GATAD2B: variants seen among roughly 807,000 people sequenced by gnomAD.
GATAD2B encodes the protein transcriptional repressor p66-beta.
GATAD2B carries 8 observed loss-of-function variants against 64.3 expected under a neutral mutation model. The observed-to-expected ratio is 0.12, with a 90% CI of 0.07 to 0.22. GATAD2B has a LOEUF of 0.22. GATAD2B is among the 10% of genes least tolerant of loss of function. The pLI is 1.00. For missense variants in GATAD2B, 453 were observed against 752.0 expected (o/e 0.60, Z 4.65); for synonymous variants, 281 against 271.3 (o/e 1.04, Z -0.35).
chr1:153,852,439 T>TGGTC (rs1675932467), intron 1 of GATAD2B: 2 of 763,508 alleles, frequency 2.6e-6, no homozygotes, highest in Non-Finnish European at 4.8e-6. Flanking sequence ...CCGTGGCATG[T>TGGTC]GGTCTGGAGC....
At chr1:153,873,598 C>T (rs2101932174) in intron 1 of GATAD2B, among the ~76,000 whole-genome samples, 1 of 152,334 alleles carries the variant, frequency 6.6e-6, no homozygotes, top group South Asian at 2.1e-4. Context: ...AGGCCCTCAG[C>T]AGATATGGCC....
At chr1:153,891,398 T>A (rs1677394070) in intron 1 of GATAD2B, among the ~76,000 whole-genome samples, 1 of 149,410 alleles carries the variant, frequency 6.7e-6, no homozygotes, top group African/African-American at 2.5e-5. Flanking sequence ...TGAAACCCCA[T>A]CCCTACTCAA....
chr1:153,810,152 T>G lies in GATAD2B; in HGVS notation c.*25A>C. ...AGGAAAGGGATAAAGGATTCAAGGA[T>G]GGGGCAGTACAAGTGGAACAGGCGT... On this transcript the variant is annotated 3_prime_UTR_variant, in exon 11 of 11. Coordinates refer to ENST00000368655, the MANE Select transcript of GATAD2B (RefSeq NM_020699.4). 6.3e-7 allele frequency: 1 copy of G among 1,594,284 alleles called. No homozygotes were observed. The highest frequency in any genetic ancestry group is 8.6e-7 in the Non-Finnish European group (1 of 1,169,476).
intron 1 of GATAD2B, among the ~76,000 whole-genome samples, chr1:153,910,932 A>T (rs1678093050): frequency 1.3e-5 from 2 of 152,208 alleles, no homozygotes; most frequent in Admixed American, 6.6e-5. Context: ...ATAAGTTTAC[A>T]GGGACATAAC....
chr1:153,920,392 T>C (rs1678394678), intron 1 of GATAD2B, among the ~76,000 whole-genome samples: 1 of 152,194 alleles, frequency 6.6e-6, no homozygotes. Context: ...GAAAGTACTT[T>C]AAGGTTGTGA....
intron 1 of GATAD2B, among the ~76,000 whole-genome samples, chr1:153,878,774 CTTTTTTTTTTT>C (rs71093297): frequency 1.8e-5 from 2 of 108,128 alleles, no homozygotes; most frequent in African/African-American, 7.1e-5. Flanking sequence ...TACTTTATTC[CTTTTTTTTTTT>C]TTTTTTTTTT....
chr1:153,829,494 T>C (rs1055200106), intron 1 of GATAD2B, among the ~76,000 whole-genome samples: 2 of 152,146 alleles, frequency 1.3e-5, no homozygotes, highest in Non-Finnish European at 2.9e-5. Context: ...TCCCAGCATT[T>C]TGGGAGGCCG....
intron 1 of GATAD2B, among the ~76,000 whole-genome samples, chr1:153,850,794 G>A (rs573222520): frequency 1.4e-4 from 22 of 151,930 alleles, no homozygotes; most frequent in South Asian, 2.1e-4. Context: ...GGTGGTGTGC[G>A]CCTATAATCT....
At chr1:153,859,026 G>A (rs1442338907) in intron 1 of GATAD2B, among the ~76,000 whole-genome samples, 1 of 152,100 alleles carries the variant, frequency 6.6e-6, no homozygotes, top group African/African-American at 2.4e-5. Flanking sequence ...TTTAGCCTGT[G>A]CAAGCAACAG....
Position 153,808,562 on chromosome 1 carries a change from C to G in GATAD2B, c.*1615G>C, listed in dbSNP as rs1044789553. On this transcript the variant is annotated 3_prime_UTR_variant, in exon 11 of 11. Transcript: ENST00000368655. ...GCAAAATATTAAACTTCTCCTCATT[C>G]TTCTCTGCTGAGAACATTCCCCCCA... 6.6e-6 allele frequency: 1 copy of G among 152,602 alleles called. No individual in the cohort carries two copies. 9.5% of individuals were successfully genotyped at this position (152,602 alleles called of 1,614,324 possible). A position where few individuals can be genotyped will look rare whatever the true frequency, so the allele number is the denominator to read the frequency against.
At chr1:153,854,738 G>A (rs1369531518) in intron 1 of GATAD2B, among the ~76,000 whole-genome samples, 1 of 152,018 alleles carries the variant, frequency 6.6e-6, no homozygotes, top group Non-Finnish European at 1.5e-5. Flanking sequence ...ATTTTCATAA[G>A]AACTAGTTCA....
intron 1 of GATAD2B, among the ~76,000 whole-genome samples, chr1:153,866,754 G>T (rs1222317802): frequency 6.6e-6 from 1 of 152,086 alleles, no homozygotes; most frequent in Non-Finnish European, 1.5e-5. Context: ...ATGCTACAAA[G>T]AAGTGAAATT....
rs572622358 is a variant in GATAD2B at position 153,919,581 on chromosome 1, G to A, written c.-2+3152C>T. 9.2e-5 allele frequency among the ~76,000 whole-genome samples: 14 copies of A among 152,308 alleles called. No individual in the cohort carries two copies. The South Asian group carries it at 2.1e-3, about 23-fold the overall frequency. Reference sequence around the variant, plus strand: ...CAGAAAAAGCTTCACAGAGACTACTGAGGATAAACCAAATAATATGGCTAA... The same window carrying A: ...CAGAAAAAGCTTCACAGAGACTACTAAGGATAAACCAAATAATATGGCTAA... On this transcript the variant is annotated intron_variant, in intron 1 of 10. Transcript: ENST00000368655.
chr1:153,910,974 G>C (rs1678093905), intron 1 of GATAD2B, among the ~76,000 whole-genome samples: 1 of 152,002 alleles, frequency 6.6e-6, no homozygotes. Context: ...TCTGTATATA[G>C]TACAATAAAA....
intron 1 of GATAD2B, among the ~76,000 whole-genome samples, chr1:153,909,851 G>T (rs1032109259): frequency 6.6e-6 from 1 of 151,852 alleles, no homozygotes; most frequent in African/African-American, 2.4e-5. Flanking sequence ...GGGAGGCTGA[G>T]GCAGGAGAAT....
chr1:153,855,119 A>G (rs1006611217), intron 1 of GATAD2B, among the ~76,000 whole-genome samples: 17 of 152,204 alleles, frequency 1.1e-4, no homozygotes, highest in Admixed American at 6.5e-5. Context: ...GTATTAAATA[A>G]TATTAGGGAA....
At chr1:153,828,455 TACACACACACACACACACACACACACAC>T (rs71093290) in intron 1 of GATAD2B, 107 bp from the exon 2 acceptor site, 1 of 530,332 alleles carries the variant, frequency 1.9e-6, no homozygotes, top group African/African-American at 2.0e-5. Context: ...CTCTCACACA[TACACACACACACACACACACACACACAC>T]ACACACACAA....
chr1:153,853,123 G>A (rs1675964128), intron 1 of GATAD2B: 7 of 1,450,784 alleles, frequency 4.8e-6, no homozygotes, highest in Admixed American at 1.7e-5. Context: ...GGCTGATTCA[G>A]AATAGGCAGT....
intron 7 of GATAD2B, among the ~76,000 whole-genome samples, chr1:153,815,297 A>AAC (rs1260362431): frequency 2.0e-5 from 3 of 148,582 alleles, no homozygotes; most frequent in Middle Eastern, 3.2e-3. Context: ...AAAAAACAAA[A>AAC]AAAAAAAAAA....
Sources: allele counts gnomAD v4.1 joint callset (sites outside exome capture counted in the v4.1 genomes callset), GRCh38; gene constraint gnomAD v4.1.1; transcripts MANE v1.5; gene names NCBI Gene and HGNC (gene_info 2026-07-23, HGNC 2026-07-21).